The following CDH20 variants were observed in gnomAD, a reference collection of about 807,000 sequenced individuals.
CDH20 encodes cadherin-20.
CDH20 carries 29 observed loss-of-function variants against 74.2 expected under a neutral mutation model. The observed-to-expected ratio is 0.39, with a 90% CI of 0.29 to 0.53. CDH20 has a LOEUF of 0.53. CDH20 is among the 20% of genes least tolerant of loss of function. CDH20 has a pLI of 0.69. For synonymous variants in CDH20, 469 were observed against 405.4 expected (o/e 1.16, Z -1.88); for missense variants, 988 against 1,048.3 (o/e 0.94, Z 0.79).
chr18:61,383,914 A>C (rs757141814), intron 1 of CDH20, among the ~76,000 whole-genome samples: 1 of 152,154 alleles, frequency 6.6e-6, no homozygotes, highest in Admixed American at 6.6e-5. Flanking sequence ...GACATGATTC[A>C]AATGTTCCTA....
intron 1 of CDH20, among the ~76,000 whole-genome samples, chr18:61,375,182 C>T (rs1911178064): frequency 6.6e-6 from 1 of 152,196 alleles, no homozygotes; most frequent in East Asian, 1.9e-4. Context: ...GGACCAGTCA[C>T]TTCCTAGCAT....
At chr18:61,490,838 A>T (rs779496223) in intron 2 of CDH20, 39 bp downstream of exon 2, 12 of 1,600,936 alleles carry the variant, frequency 7.5e-6, no homozygotes, top group Non-Finnish European at 1.0e-5. Flanking sequence ...GGTATTGGAT[A>T]TTGAAATTGA....
At chr18:61,449,407 C>A (rs1379500756) in intron 1 of CDH20, among the ~76,000 whole-genome samples, 1 of 152,084 alleles carries the variant, frequency 6.6e-6, no homozygotes, top group East Asian at 1.9e-4. Context: ...CTCAGCCTTA[C>A]CTTGCTGTCA....
At chr18:61,517,164 A>G (rs1454071898) in intron 6 of CDH20, among the ~76,000 whole-genome samples, 1 of 152,228 alleles carries the variant, frequency 6.6e-6, no homozygotes, top group Non-Finnish European at 1.5e-5. Flanking sequence ...AAGGAAACTT[A>G]GGAGAAAATC....
intron 1 of CDH20, among the ~76,000 whole-genome samples, chr18:61,473,690 C>T (rs923398980): frequency 2.0e-5 from 3 of 152,110 alleles, no homozygotes; most frequent in Non-Finnish European, 4.4e-5. Context: ...ATTTACATAT[C>T]AGAAAGGGGA....
chr18:61,521,934 T>G (rs1303136013), intron 6 of CDH20, among the ~76,000 whole-genome samples: 1 of 152,060 alleles, frequency 6.6e-6, no homozygotes, highest in South Asian at 2.1e-4. Context: ...TAATAAAAGC[T>G]ATTTATGACA....
intron 11 of CDH20, among the ~76,000 whole-genome samples, chr18:61,552,300 C>G (rs17619782): frequency 0.018 from 2,696 of 151,742 alleles, 36 homozygotes; most frequent in Non-Finnish European, 0.024. Flanking sequence ...GTCAGAGAAG[C>G]CTTTCAGCTG....
intron 1 of CDH20, among the ~76,000 whole-genome samples, chr18:61,411,152 T>TC (rs1237722418): frequency 4.0e-5 from 6 of 149,542 alleles, no homozygotes; most frequent in South Asian, 2.1e-4. Context: ...TGAGCCGAGA[T>TC]ACGCCACTGC....
At chr18:61,407,015 A>T (rs1033250811) in intron 1 of CDH20, among the ~76,000 whole-genome samples, 1 of 152,256 alleles carries the variant, frequency 6.6e-6, no homozygotes, top group Non-Finnish European at 1.5e-5. Flanking sequence ...CATGTGGTAC[A>T]TACTTGCCAT....
At chr18:61,490,876 A>C in intron 2 of CDH20, 77 bp downstream of exon 2, 1 of 1,500,630 alleles carries the variant, frequency 6.7e-7, no homozygotes, top group African/African-American at 1.4e-5. Context: ...AAGTTGACCT[A>C]GCCTTTATCT....
chr18:61,486,058 G>C (rs1051537729), intron 1 of CDH20, among the ~76,000 whole-genome samples: 98 of 144,640 alleles, frequency 6.8e-4, no homozygotes, highest in African/African-American at 2.4e-3. Context: ...GGGCGACAGA[G>C]CGAGACTCCA....
chr18:61,525,399 G>C (rs1912358938), intron 6 of CDH20, among the ~76,000 whole-genome samples: 1 of 152,024 alleles, frequency 6.6e-6, no homozygotes. Flanking sequence ...AATACATAAA[G>C]AATTTTAAGA....
Position 61,500,454 on chromosome 18 carries a change from T to C in CDH20, c.613T>C (p.Tyr205His). 2 of 1,613,136 alleles carry C rather than the reference T, an allele frequency of 1.2e-6. No individual in the cohort carries two copies. Among genetic ancestry groups the C allele is most frequent in the Non-Finnish European group, 1.7e-6 (2 of 1,179,368 alleles). ...PTYGNSARVV[Y>H]SILQGQPYFS... ...CTACGGCAACAGTGCCAGGGTGGTG[T>C]ACAGCATTCTTCAGGGCCAGCCATA... The change falls in exon 4 of 12, where the codon TAC becomes CAC. Residue 205 changes from tyrosine (Y) to histidine (H), a missense_variant. By Grantham distance (83) the Tyr-to-His change is moderately conservative (BLOSUM62 2). This residue lies in a region of CDH20 where 613 missense variants were observed against 755.2 expected (regional missense o/e 0.81). Transcript: ENST00000262717.
At chr18:61,522,684 C>T (rs577216444) in intron 6 of CDH20, among the ~76,000 whole-genome samples, 1 of 152,158 alleles carries the variant, frequency 6.6e-6, no homozygotes, top group African/African-American at 2.4e-5. Context: ...ACTACAGTAA[C>T]CAAAAAAGCA....
At chr18:61,520,042 C>T (rs565568266) in intron 6 of CDH20, among the ~76,000 whole-genome samples, 11 of 150,350 alleles carry the variant, frequency 7.3e-5, no homozygotes, top group African/African-American at 2.2e-4. Flanking sequence ...AAAGGCCAGG[C>T]GTGGTGGCTC....
intron 1 of CDH20, among the ~76,000 whole-genome samples, chr18:61,416,402 A>G (rs941625075): frequency 1.3e-5 from 2 of 152,208 alleles, no homozygotes; most frequent in African/African-American, 2.4e-5. Context: ...TAAAGTGACA[A>G]TGGCTTTAAC....
intron 2 of CDH20, among the ~76,000 whole-genome samples, chr18:61,498,229 C>T (rs1004896530): frequency 1.3e-5 from 2 of 151,942 alleles, no homozygotes; most frequent in Non-Finnish European, 2.9e-5. Context: ...GCCAAACCCC[C>T]ACTCTACTAA....
chr18:61,422,488 T>TA (rs1325285259), intron 1 of CDH20, among the ~76,000 whole-genome samples: 1 of 152,198 alleles, frequency 6.6e-6, no homozygotes, highest in Non-Finnish European at 1.5e-5. Flanking sequence ...ACTTTCTAGT[T>TA]AGCCAGGCAG....
chr18:61,407,372 G>T (rs1158399002), intron 1 of CDH20, among the ~76,000 whole-genome samples: 2 of 152,304 alleles, frequency 1.3e-5, no homozygotes, highest in East Asian at 1.9e-4. Flanking sequence ...GACAGAGAAA[G>T]AAGTTAACAA....
Sources: gnomAD v4.1 joint callset for allele counts (sites outside exome capture counted in the v4.1 genomes callset) on GRCh38, gnomAD v4.1.1 for gene constraint, gnomAD v4.1.1 regional missense constraint, MANE v1.5 for transcripts, NCBI Gene and HGNC (gene_info 2026-07-23, HGNC 2026-07-21) for gene names.